The following AKT3 variants were observed in gnomAD, a reference collection of about 807,000 sequenced individuals.
The protein encoded by AKT3 is AKT serine/threonine kinase 3, also known as RAC-gamma serine/threonine-protein kinase.
A neutral mutation model predicts 65.3 loss-of-function variants in AKT3; 15 were observed. The ratio of observed to expected loss-of-function variants is 0.23; its 90% CI spans 0.15 to 0.35. AKT3 has a LOEUF of 0.35. AKT3 is among the 10% of genes least tolerant of loss of function. The pLI is 1.00. For synonymous variants in AKT3, 206 were observed against 183.8 expected, an observed-to-expected ratio of 1.12 and a Z score of -0.98; for missense variants, 243 against 576.5, an observed-to-expected ratio of 0.42 and a Z score of 5.92.
chr1:243,804,188 T>C (rs1692571907), intron 2 of AKT3, among the ~76,000 whole-genome samples: 1 of 152,236 alleles, frequency 6.6e-6, no homozygotes, highest in African/African-American at 2.4e-5. Context: ...CTGCTTAAAT[T>C]TTTAATAGTA....
chr1:243,530,521 G>A (rs1671452521), intron 12 of AKT3, among the ~76,000 whole-genome samples: 1 of 152,100 alleles, frequency 6.6e-6, no homozygotes, highest in Admixed American at 6.5e-5. Flanking sequence ...CACAGCTAAG[G>A]CAGTGTTAAG....
downstream of AKT3, among the ~76,000 whole-genome samples, chr1:243,499,297 T>C (rs1044712744): frequency 1.4e-4 from 22 of 152,210 alleles, no homozygotes; most frequent in Admixed American, 1.2e-3. Flanking sequence ...AGTTACAAAT[T>C]TGGAGGTGTT....
chr1:243,513,632 T>C (rs1356576559), intron 12 of AKT3, among the ~76,000 whole-genome samples: 1 of 152,228 alleles, frequency 6.6e-6, no homozygotes, highest in East Asian at 1.9e-4. Context: ...TTATGGTACA[T>C]GCTACAAAGC....
intron 2 of AKT3, chr1:243,734,946 G>A (rs909113926): frequency 4.7e-5 from 7 of 149,908 alleles, no homozygotes; most frequent in African/African-American, 1.5e-4. Flanking sequence ...ATACATATTA[G>A]CCTAGACCTA....
intron 13 of AKT3, among the ~76,000 whole-genome samples, chr1:243,494,541 G>A (rs1667330201): frequency 6.6e-6 from 1 of 152,168 alleles, no homozygotes; most frequent in African/African-American, 2.4e-5. Context: ...TCCAACAGCA[G>A]ACAGTTAAAC....
chr1:243,758,928 G>A (rs190251968), intron 2 of AKT3, among the ~76,000 whole-genome samples: 16 of 152,094 alleles, frequency 1.1e-4, no homozygotes, highest in Admixed American at 5.9e-4. Flanking sequence ...AAGGACTTTC[G>A]GCTTTTACTG....
In AKT3 at chr1:243,642,510, C is replaced by T. The variant is rs140179668; in HGVS notation, c.429+3383G>A. Among the ~76,000 whole-genome samples the T allele has an allele frequency of 4.2e-3, 630 of 151,792 alleles. 2 individuals carry two copies. The highest frequency in any genetic ancestry group is 5.2e-3 in the Non-Finnish European group (354 of 67,874). On this transcript the variant is annotated intron_variant, in intron 5 of 13. Transcript: ENST00000673466. ...ATTTTTAGTAGAGACGGGGTTTCAC[C>T]GTGTTAGCCAGGATGGTCTCGATCT...
intron 3 of AKT3, among the ~76,000 whole-genome samples, chr1:243,681,158 C>G (rs1683888374): frequency 6.6e-6 from 1 of 152,086 alleles, no homozygotes; most frequent in Non-Finnish European, 1.5e-5. Context: ...CTAGTTTCTC[C>G]AGCTATAAAA....
At chr1:243,728,264 C>T (rs996300874) in intron 2 of AKT3, among the ~76,000 whole-genome samples, 1 of 152,194 alleles carries the variant, frequency 6.6e-6, no homozygotes, top group African/African-American at 2.4e-5. Context: ...CAAACACACA[C>T]ACACACCCAG....
At chr1:243,698,411 G>C (rs1685199158) in intron 2 of AKT3, among the ~76,000 whole-genome samples, 1 of 151,940 alleles carries the variant, frequency 6.6e-6, no homozygotes, top group Admixed American at 6.6e-5. Flanking sequence ...TTCAAGAAAT[G>C]TAAAATTAAA....
intron 4 of AKT3, among the ~76,000 whole-genome samples, chr1:243,655,316 T>A (rs915248289): frequency 1.3e-5 from 2 of 152,162 alleles, no homozygotes; most frequent in Non-Finnish European, 2.9e-5. Flanking sequence ...TGATTACAAA[T>A]GAAAGCTATT....
chr1:243,538,071 T>C (rs1054167907), intron 12 of AKT3, among the ~76,000 whole-genome samples: 1 of 152,184 alleles, frequency 6.6e-6, no homozygotes, highest in African/African-American at 2.4e-5. Flanking sequence ...ATGTGTAGCA[T>C]TTTCAACCAC....
chr1:243,834,724 G>A (rs556303677), intron 2 of AKT3, among the ~76,000 whole-genome samples: 1 of 151,094 alleles, frequency 6.6e-6, no homozygotes, highest in East Asian at 1.9e-4. Flanking sequence ...AATGTATTCT[G>A]GAAACTAAAA....
chr1:243,719,062 A>G (rs1686705394), intron 2 of AKT3, among the ~76,000 whole-genome samples: 1 of 152,210 alleles, frequency 6.6e-6, no homozygotes, highest in East Asian at 1.9e-4. Context: ...AACTCCCAGC[A>G]AACAAGATAT....
intron 2 of AKT3, among the ~76,000 whole-genome samples, chr1:243,777,130 A>C (rs1217219478): frequency 6.6e-6 from 1 of 150,780 alleles, no homozygotes; most frequent in Non-Finnish European, 1.5e-5. Context: ...ATGGAAGACA[A>C]TTTTTCCATG....
chr1:243,703,760 CAA>C (rs370671685), intron 2 of AKT3, among the ~76,000 whole-genome samples: 11 of 78,376 alleles, frequency 1.4e-4, no homozygotes, highest in African/African-American at 1.7e-4. Flanking sequence ...GACTCCATCT[CAA>C]AAAAAAAAAA....
chr1:243,578,857 G>A (rs1027557939), intron 8 of AKT3, among the ~76,000 whole-genome samples: 2 of 152,076 alleles, frequency 1.3e-5, no homozygotes, highest in Non-Finnish European at 2.9e-5. Context: ...AGAGAAAACC[G>A]TACCAATCTG....
intron 8 of AKT3, among the ~76,000 whole-genome samples, chr1:243,610,492 A>G (rs959938665): frequency 6.6e-6 from 1 of 152,240 alleles, no homozygotes; most frequent in African/African-American, 2.4e-5. Flanking sequence ...TTTAAAAAAG[A>G]GAGACATTTA....
At chr1:243,536,701 T>C (rs1040676882) in intron 12 of AKT3, among the ~76,000 whole-genome samples, 10 of 152,314 alleles carry the variant, frequency 6.6e-5, no homozygotes, top group Middle Eastern at 6.8e-3. Context: ...ACTGTATACA[T>C]TTTATGCCAG....
Sources: allele counts gnomAD v4.1 joint callset (sites outside exome capture counted in the v4.1 genomes callset), GRCh38; gene constraint gnomAD v4.1.1; transcripts MANE v1.5; gene names NCBI Gene and HGNC (gene_info 2026-07-23, HGNC 2026-07-21).